NLGN1: variants seen among roughly 807,000 people sequenced by gnomAD.
NLGN1 encodes the protein neuroligin-1.
NLGN1 carries 12 observed loss-of-function variants against 65.5 expected under a neutral mutation model. The observed-to-expected ratio is 0.18, with a 90% CI of 0.12 to 0.30. The LOEUF (loss-of-function observed/expected upper bound fraction) is 0.30, where lower values mean the gene tolerates loss of function less well. NLGN1 is among the 10% of genes least tolerant of loss of function. The pLI, the probability that NLGN1 is intolerant of heterozygous loss-of-function variation, is 1.00. For missense variants in NLGN1, 750 were observed against 1,007.1 expected (o/e 0.74, Z 3.46); for synonymous variants, 350 against 359.5 (o/e 0.97, Z 0.30).
intron 4 of NLGN1, among the ~76,000 whole-genome samples, chr3:174,025,121 TTTCATTTC>T (rs1214457880): frequency 6.6e-6 from 1 of 152,202 alleles, no homozygotes; most frequent in African/African-American, 2.4e-5. Flanking sequence ...TAACTGCATT[TTTCATTTC>T]TAGTTAATCA....
In NLGN1 at chr3:173,668,298, GAAAA is replaced by G. The variant is rs754900654; in HGVS notation, c.493+63208_493+63211del. 4.3e-4 allele frequency among the ~76,000 whole-genome samples: 65 copies of G among 152,234 alleles called. 1 individual carries two copies. The highest frequency in any genetic ancestry group is 4.6e-4 in the Admixed American group (7 of 15,288). On this transcript the variant is annotated intron_variant, in intron 3 of 6. Coordinates refer to ENST00000457714, the Ensembl canonical transcript of NLGN1. ...TAGTTGGGTTTTTAAGGCAGAAGAA[GAAAA>G]TATTGCCAGCAGAAGTAATGAGCAG...
At chr3:173,816,781 G>A (rs955441199) in intron 4 of NLGN1, among the ~76,000 whole-genome samples, 3 of 152,182 alleles carry the variant, frequency 2.0e-5, no homozygotes, top group South Asian at 4.1e-4. Context: ...TATGCCTGGT[G>A]TTTCCTCTAC....
At chr3:174,005,996 C>T (rs954281977) in intron 4 of NLGN1, among the ~76,000 whole-genome samples, 3 of 152,128 alleles carry the variant, frequency 2.0e-5, no homozygotes, top group South Asian at 2.1e-4. Flanking sequence ...TACTACTATA[C>T]GGTCAAACTG....
At chr3:173,857,040 A>G (rs1415035415) in intron 4 of NLGN1, among the ~76,000 whole-genome samples, 2 of 151,294 alleles carry the variant, frequency 1.3e-5, no homozygotes, top group Non-Finnish European at 1.5e-5. Flanking sequence ...AAAAAGAGGC[A>G]TGAATAAAAT....
intron 2 of NLGN1, among the ~76,000 whole-genome samples, chr3:173,517,756 A>ATCTATCTG (rs899063983): frequency 4.6e-4 from 64 of 139,642 alleles, no homozygotes; most frequent in African/African-American, 1.8e-3. Flanking sequence ...AAATTTATCT[A>ATCTATCTG]TCTATCTATC....
At chr3:173,436,592 C>T (rs1718179911) in intron 2 of NLGN1, among the ~76,000 whole-genome samples, 2 of 152,212 alleles carry the variant, frequency 1.3e-5, no homozygotes, top group Non-Finnish European at 2.9e-5. Context: ...ATCTGTAACT[C>T]AACCCAGCCA....
chr3:173,736,273 G>T (rs977985096), intron 3 of NLGN1, among the ~76,000 whole-genome samples: 4 of 152,022 alleles, frequency 2.6e-5, no homozygotes, highest in African/African-American at 9.7e-5. Context: ...ACTCACAGAA[G>T]TGAAATTGCT....
chr3:173,467,890 G>A (rs1388958704), intron 2 of NLGN1, among the ~76,000 whole-genome samples: 1 of 152,084 alleles, frequency 6.6e-6, no homozygotes, highest in Non-Finnish European at 1.5e-5. Context: ...CTTCTGTTTA[G>A]TGGTGACCAC....
chr3:173,862,774 G>T (rs1432999864), intron 4 of NLGN1, among the ~76,000 whole-genome samples: 2 of 151,906 alleles, frequency 1.3e-5, no homozygotes, highest in Non-Finnish European at 2.9e-5. Flanking sequence ...AAAAACCATT[G>T]ATATCCTAGA....
At chr3:174,151,983 CTG>C (rs1724446152) in intron 4 of NLGN1, among the ~76,000 whole-genome samples, 1 of 152,024 alleles carries the variant, frequency 6.6e-6, no homozygotes, top group Non-Finnish European at 1.5e-5. Context: ...AAAAAAATAA[CTG>C]TTAGAGAAAG....
At chr3:174,149,761 TAAAGA>T (rs1225021538) in intron 4 of NLGN1, among the ~76,000 whole-genome samples, 2 of 152,052 alleles carry the variant, frequency 1.3e-5, no homozygotes, top group Non-Finnish European at 2.9e-5. Context: ...CAGTAGAGAC[TAAAGA>T]AAAGAAAATT....
chr3:174,181,513 T>C (rs2160977), intron 4 of NLGN1, among the ~76,000 whole-genome samples: 118,707 of 152,086 alleles, frequency 0.78, 46,625 homozygotes, highest in African/African-American at 0.86. Context: ...CTTTAGACTA[T>C]AATCTTCTGA....
At chr3:173,788,225 A>G (rs1357637212) in intron 3 of NLGN1, among the ~76,000 whole-genome samples, 1 of 150,752 alleles carries the variant, frequency 6.6e-6, no homozygotes, top group African/African-American at 2.4e-5. Flanking sequence ...AAAAAAAAAA[A>G]AAGAAAAAGT....
At chr3:173,527,632 C>T (rs942339519) in intron 2 of NLGN1, among the ~76,000 whole-genome samples, 3 of 152,166 alleles carry the variant, frequency 2.0e-5, no homozygotes, top group South Asian at 2.1e-4. Flanking sequence ...CTCCTGACCT[C>T]GTGATCTGCC....
At chr3:173,818,460 A>G (rs1455106565) in intron 4 of NLGN1, among the ~76,000 whole-genome samples, 4 of 152,250 alleles carry the variant, frequency 2.6e-5, no homozygotes, top group Non-Finnish European at 5.9e-5. Context: ...TTAAAGCTGT[A>G]AAATAATTAG....
chr3:173,667,730 A>G lies in NLGN1; in HGVS notation c.493+62639A>G, dbSNP rs576231886. 1.1e-4 allele frequency among the ~76,000 whole-genome samples: 17 copies of G among 152,186 alleles called. No individual in the cohort carries two copies. In the East Asian group the frequency reaches 3.3e-3, roughly 29 times the overall value. ...CTGCAACCTCCGCCTCCTGGGTTCA[A>G]GTGATTCTCCTGCCTCAGCCTCCCG... On this transcript the variant is annotated intron_variant, in intron 3 of 6. Coordinates refer to ENST00000457714, the Ensembl canonical transcript of NLGN1.
chr3:173,458,991 G>C (rs1722941142), intron 2 of NLGN1, among the ~76,000 whole-genome samples: 1 of 151,858 alleles, frequency 6.6e-6, no homozygotes, highest in South Asian at 2.1e-4. Context: ...TGGAACATGT[G>C]CTTCACCCAT....
In NLGN1 at chr3:174,128,031, C is replaced by T. The variant is rs376924096; in HGVS notation, c.647-147284C>T. 1.2e-4 allele frequency among the ~76,000 whole-genome samples: 19 copies of T among 152,132 alleles called. No individual in the cohort carries two copies. The East Asian group carries it at 2.5e-3, about 20-fold the overall frequency. On this transcript the variant is annotated intron_variant, in intron 4 of 6. Transcript: ENST00000457714. The stretch of plus-strand genomic sequence containing the variant: ...ATTTTCTCAATGTGTACAAAAGTGC[C>T]CATCTCTCAATGAGAATTTGTTGAA...
At chr3:174,047,297 C>A (rs565833545) in intron 4 of NLGN1, among the ~76,000 whole-genome samples, 23 of 152,074 alleles carry the variant, frequency 1.5e-4, no homozygotes, top group African/African-American at 5.5e-4. Context: ...ATTCCACTAA[C>A]AGAAATGTAT....
Sources: gnomAD v4.1 joint callset for allele counts (sites outside exome capture counted in the v4.1 genomes callset) on GRCh38, gnomAD v4.1.1 for gene constraint, MANE v1.5 for transcripts, NCBI Gene and HGNC (gene_info 2026-07-23, HGNC 2026-07-21) for gene names.